The following PRKAG2 variants were observed in gnomAD, a reference collection of about 807,000 sequenced individuals.
PRKAG2 encodes the protein protein kinase AMP-activated non-catalytic subunit gamma 2.
Under a neutral mutation model 69.6 loss-of-function variants are expected in PRKAG2, and 26 were observed. The ratio of observed to expected loss-of-function variants is 0.37; its 90% CI spans 0.27 to 0.52. The LOEUF (loss-of-function observed/expected upper bound fraction) is 0.52. Among genes scored for constraint, PRKAG2 ranks in the 20% least tolerant of loss-of-function variants. PRKAG2 has a pLI of 0.90. For synonymous variants in PRKAG2, 293 were observed against 285.0 expected, an observed-to-expected ratio of 1.03 and a Z score of -0.28; for missense variants, 557 against 740.0, an observed-to-expected ratio of 0.75 and a Z score of 2.87.
At chr7:151,839,226 C>T (rs2079219585) in intron 1 of PRKAG2, among the ~76,000 whole-genome samples, 1 of 152,096 alleles carries the variant, frequency 6.6e-6, no homozygotes, top group Non-Finnish European at 1.5e-5. Flanking sequence ...TCAGAAAAGT[C>T]GTGATATTCT....
intron 15 of PRKAG2, 58 bp downstream of exon 15, chr7:151,560,466 G>A: frequency 6.2e-7 from 1 of 1,613,458 alleles, no homozygotes; most frequent in Non-Finnish European, 8.5e-7. Context: ...TGCACTTCCT[G>A]TTCTACCTCC....
intron 4 of PRKAG2, among the ~76,000 whole-genome samples, chr7:151,652,386 C>T (rs1284461553): frequency 6.6e-6 from 1 of 152,114 alleles, no homozygotes; most frequent in Non-Finnish European, 1.5e-5. Flanking sequence ...CATGAAAAAG[C>T]TTTGCAGCAA....
rs1471098773 is a variant in PRKAG2 at position 151,699,110 on chromosome 7, T to C, written c.467-23473A>G. On this transcript the variant is annotated intron_variant, in intron 3 of 15. Coordinates refer to ENST00000287878, the MANE Select transcript of PRKAG2 (RefSeq NM_016203.4). This position sits in a 1 kb window ranked among gnomAD's most constrained non-coding sequence, Gnocchi z 4.5. ...GTCTGCAAACTCTGGGGAGCACCCC[T>C]CAATGCCCTTAGGCCACCTTTCCTT... Among the ~76,000 whole-genome samples the C allele has an allele frequency of 6.6e-6, 1 of 152,132 alleles. No individual in the cohort carries two copies. The highest frequency in any genetic ancestry group is 1.5e-5 in the Non-Finnish European group (1 of 68,008).
intron 5 of PRKAG2, among the ~76,000 whole-genome samples, chr7:151,605,803 T>TA (rs1203018639): frequency 6.6e-6 from 1 of 152,106 alleles, no homozygotes; most frequent in Admixed American, 6.5e-5. Flanking sequence ...CCTGGCATGA[T>TA]AGCACGCACC....
At chr7:151,859,330 G>A (rs2079860601) in intron 1 of PRKAG2, among the ~76,000 whole-genome samples, 1 of 152,258 alleles carries the variant, frequency 6.6e-6, no homozygotes, top group Non-Finnish European at 1.5e-5. Context: ...GAAAGCTGCG[G>A]CAACACCTTC....
At chr7:151,682,900 C>T (rs971906520) in intron 3 of PRKAG2, among the ~76,000 whole-genome samples, 6 of 152,330 alleles carry the variant, frequency 3.9e-5, no homozygotes, top group African/African-American at 1.4e-4. Context: ...TCTGCCCCGG[C>T]CCAGGGGCCT....
chr7:151,692,127 G>A (rs1163725340), intron 3 of PRKAG2, among the ~76,000 whole-genome samples: 3 of 152,112 alleles, frequency 2.0e-5, no homozygotes, highest in Non-Finnish European at 4.4e-5. Context: ...GTTCAAGGCT[G>A]CAGTGAGTCA....
chr7:151,749,786 G>GA (rs34229915), intron 3 of PRKAG2, among the ~76,000 whole-genome samples: 43,016 of 124,602 alleles, frequency 0.35, 7,217 homozygotes, highest in Admixed American at 0.45. Flanking sequence ...CAACCACACT[G>GA]AAAAAAAAAA....
At chr7:151,859,227 C>T (rs572112125) in intron 1 of PRKAG2, among the ~76,000 whole-genome samples, 1 of 152,346 alleles carries the variant, frequency 6.6e-6, no homozygotes, top group Non-Finnish European at 1.5e-5. Flanking sequence ...ACAGCTGTGG[C>T]ACCAGAGAAC....
Position 151,781,193 on chromosome 7 carries a change from G to GT in PRKAG2, c.424dup (p.Thr142AsnfsTer40). 1 of 1,614,112 alleles carries GT rather than the reference G, an allele frequency of 6.2e-7. No homozygotes were observed. The highest frequency in any genetic ancestry group is 8.5e-7 in the Non-Finnish European group (1 of 1,180,044). ...GAAAAACCTGATGCCCCCGGGCGAG[G>GT]TAGCAGGGTTGGAGTTGGGGGAAGA... is the stretch of plus-strand genomic sequence containing the variant. On this transcript the variant is annotated frameshift_variant, in exon 3 of 16. Transcript: ENST00000287878. LOFTEE classifies it high-confidence loss of function. The surrounding 1 kb of genome is among the most constrained non-coding windows in gnomAD (Gnocchi z 6.1).
chr7:151,673,412 C>A (rs751751106), intron 4 of PRKAG2, among the ~76,000 whole-genome samples: 25 of 152,096 alleles, frequency 1.6e-4, no homozygotes, highest in Non-Finnish European at 3.5e-4. Flanking sequence ...CTTATCAGAC[C>A]AGCGGTTTTC....
rs117580377 is a variant in PRKAG2, at chr7:151,685,512, A to G, written c.467-9875T>C. On this transcript the variant is annotated intron_variant, in intron 3 of 15. Transcript: ENST00000287878. ...AGGCTAGGTTCGGTGGCTTAGGCCT[A>G]TAATCCCAGCACTTTGGGAGGCCGA... Among the ~76,000 whole-genome samples the G allele has an allele frequency of 3.6e-4, 55 of 152,290 alleles. No homozygotes were observed. The East Asian group carries it at 0.01, about 28-fold the overall frequency.
chr7:151,839,508 T>C (rs1035091550), intron 1 of PRKAG2, among the ~76,000 whole-genome samples: 6 of 152,244 alleles, frequency 3.9e-5, no homozygotes, highest in African/African-American at 7.2e-5. Context: ...GGAATGAGAA[T>C]AGCAATGTCT....
chr7:151,731,150 C>A (rs976635520), intron 3 of PRKAG2, among the ~76,000 whole-genome samples: 1 of 152,230 alleles, frequency 6.6e-6, no homozygotes, highest in African/African-American at 2.4e-5. Context: ...AATCTTCCCT[C>A]TACATTTTTA....
In PRKAG2 at chr7:151,781,056, C is replaced by T; in HGVS notation, c.466+96G>A. On this transcript the variant is annotated intron_variant, in intron 3 of 15. Transcript: ENST00000287878. The surrounding 1 kb of genome is among the most constrained non-coding windows in gnomAD (Gnocchi z 6.1). The stretch of plus-strand genomic sequence containing the variant: ...GCACTCAGCACCAAGCTGCTCACAG[C>T]CACCTGGCAGCTTCGGTGCCACCGT... The T allele has an allele frequency of 1.3e-6, 2 of 1,544,472 alleles. No individual in the cohort carries two copies. Among genetic ancestry groups the T allele is most frequent in the Non-Finnish European group, 1.8e-6 (2 of 1,123,924 alleles).
rs574135804 is a variant in PRKAG2 at position 151,701,760 on chromosome 7, G to A, written c.467-26123C>T. On this transcript the variant is annotated intron_variant, in intron 3 of 15. Transcript: ENST00000287878. ...CGGGAGGCTGAGGCAGGAGAATGGCGTGAACCCGTGAAGCGGGGGTTGCAG... is the reference window on the plus strand; with the variant it reads ...CGGGAGGCTGAGGCAGGAGAATGGCATGAACCCGTGAAGCGGGGGTTGCAG... Among the ~76,000 whole-genome samples, 112 of 151,294 alleles carry A rather than the reference G, an allele frequency of 7.4e-4. 1 individual carries two copies. The highest frequency in any genetic ancestry group is 2.5e-3 in the African/African-American group (104 of 40,852).
chr7:151,671,409 TG>T (rs1490973269), intron 4 of PRKAG2, among the ~76,000 whole-genome samples: 5 of 152,186 alleles, frequency 3.3e-5, no homozygotes, highest in African/African-American at 1.2e-4. Flanking sequence ...GAGATTATCC[TG>T]GTAGCCAAAT....
At chr7:151,605,692 C>A (rs1010191181) in intron 5 of PRKAG2, among the ~76,000 whole-genome samples, 16 of 152,168 alleles carry the variant, frequency 1.1e-4, no homozygotes, top group African/African-American at 3.6e-4. Flanking sequence ...GTAATCCCAG[C>A]ACTTTGGGAG....
intron 6 of PRKAG2, among the ~76,000 whole-genome samples, chr7:151,581,854 A>G (rs73475438): frequency 0.015 from 2,242 of 152,352 alleles, 44 homozygotes; most frequent in African/African-American, 0.051. Flanking sequence ...ATAAATTCTC[A>G]GACTAATCTG....
Sources: gnomAD v4.1 joint callset for allele counts (sites outside exome capture counted in the v4.1 genomes callset) on GRCh38, gnomAD v4.1.1 for gene constraint, Gnocchi (gnomAD v3.1) non-coding constraint, MANE v1.5 for transcripts, NCBI Gene and HGNC (gene_info 2026-07-23, HGNC 2026-07-21) for gene names.